CTCF: variants seen among roughly 807,000 people sequenced by gnomAD.
CTCF encodes the protein CCCTC-binding factor, also known as transcriptional repressor CTCF.
CTCF carries 7 observed loss-of-function variants against 72.3 expected under a neutral mutation model. The ratio of observed to expected loss-of-function variants is 0.10; its 90% CI spans 0.06 to 0.18. CTCF has a LOEUF of 0.18. Among genes scored for constraint, CTCF ranks in the 10% least tolerant of loss-of-function variants. The pLI, the probability that CTCF is intolerant of heterozygous loss-of-function variation, is 1.00. For missense variants in CTCF, 516 were observed against 949.1 expected, an observed-to-expected ratio of 0.54 and a Z score of 6.00; for synonymous variants, 374 against 315.8, an observed-to-expected ratio of 1.18 and a Z score of -1.95.
intron 1 of CTCF, among the ~76,000 whole-genome samples, chr16:67,565,694 A>C (rs1461645093): frequency 1.3e-5 from 2 of 151,644 alleles, no homozygotes; most frequent in African/African-American, 4.8e-5. Flanking sequence ...AAAAAAAAAA[A>C]GAGTAGTTGT....
chr16:67,633,837 C>T (rs2052396804), intron 10 of CTCF, among the ~76,000 whole-genome samples: 1 of 152,002 alleles, frequency 6.6e-6, no homozygotes, highest in Admixed American at 6.6e-5. Context: ...CACTCTTACC[C>T]TTCCTGCCCA....
intron 2 of CTCF, among the ~76,000 whole-genome samples, chr16:67,600,712 A>G (rs1007486767): frequency 6.6e-6 from 1 of 152,166 alleles, no homozygotes; most frequent in Non-Finnish European, 1.5e-5. Flanking sequence ...AAAGCCATAT[A>G]TAGAAGTGTA....
chr16:67,574,319 A>G (rs771749172), intron 2 of CTCF, among the ~76,000 whole-genome samples: 76 of 152,152 alleles, frequency 5.0e-4, no homozygotes, highest in Non-Finnish European at 7.4e-4. Context: ...ACTTCTTTAG[A>G]TTTGCCAGTT....
intron 2 of CTCF, among the ~76,000 whole-genome samples, chr16:67,582,177 C>T (rs1194589865): frequency 2.7e-5 from 4 of 150,362 alleles, no homozygotes; most frequent in Non-Finnish European, 4.4e-5. Context: ...TGCCACTGCA[C>T]TCCAGCCTGG....
At chr16:67,568,719 G>A (rs1054250879) in intron 1 of CTCF, among the ~76,000 whole-genome samples, 1 of 151,754 alleles carries the variant, frequency 6.6e-6, no homozygotes. Context: ...TTGTAGAGAC[G>A]GGGTTTTGCC....
intron 2 of CTCF, among the ~76,000 whole-genome samples, chr16:67,594,373 G>A (rs1213231719): frequency 6.7e-6 from 1 of 148,240 alleles, no homozygotes; most frequent in Non-Finnish European, 1.5e-5. Context: ...GACAGGGTGG[G>A]ACCCTGTCTC....
At chr16:67,616,024 C>T (rs1487020393) in intron 4 of CTCF, 1 of 152,190 alleles carries the variant, frequency 6.6e-6, no homozygotes, top group Admixed American at 6.5e-5. Context: ...GCATTGTGCT[C>T]TCAGTTTTGT....
intron 2 of CTCF, among the ~76,000 whole-genome samples, chr16:67,607,209 G>A (rs1597709629): frequency 6.6e-6 from 1 of 151,920 alleles, no homozygotes; most frequent in African/African-American, 2.4e-5. Context: ...TGCCCGCCTC[G>A]GCCTCCCAAA....
chr16:67,583,486 A>G (rs1013619490), intron 2 of CTCF, among the ~76,000 whole-genome samples: 1 of 151,888 alleles, frequency 6.6e-6, no homozygotes, highest in Non-Finnish European at 1.5e-5. Context: ...CAAGAGTTCA[A>G]GACCAGCCTG....
intron 2 of CTCF, among the ~76,000 whole-genome samples, chr16:67,604,779 AT>A (rs993003419): frequency 1.5e-5 from 2 of 129,164 alleles, no homozygotes; most frequent in African/African-American, 7.2e-5. Context: ...TTTAATATGA[AT>A]TTTTTTTACT....
Position 67,621,513 on chromosome 16 carries a change from T to G in CTCF, c.1279T>G (p.Leu427Val), listed in dbSNP as rs1286787707. The G allele has an allele frequency of 6.2e-7, 1 of 1,613,090 alleles. No homozygotes were observed. The highest frequency in any genetic ancestry group is 8.5e-7 in the Non-Finnish European group (1 of 1,179,122). The change falls in exon 7 of 12, where the codon TTA (leucine) becomes GTA (valine). Residue 427 changes from leucine to valine, a missense_variant. Leu to Val is a conservative substitution (Grantham distance 32). Around this residue, in one of 7 missense-constraint regions of CTCF, gnomAD observed 70 missense variants for 290.1 expected, o/e 0.24. Coordinates refer to ENST00000264010, the MANE Select transcript of CTCF (RefSeq NM_006565.4). ...TQSGTMKMHI[L>V]QKHTENVAKF... Reference sequence around the variant, plus strand: ...AAGTGGTACCATGAAGATGCACATTTTACAGAAGCACACAGAAAATGTGGC... The same window carrying G: ...AAGTGGTACCATGAAGATGCACATTGTACAGAAGCACACAGAAAATGTGGC...
rs1049512624 is a variant in CTCF at position 67,638,595 on chromosome 16, C to G, written c.*723C>G. Reference sequence around the variant, plus strand: ...CACAATCATGTAGCAGAATGGCACCCAGACCACTGCCCACCAGTGACGGAC... The same window carrying G: ...CACAATCATGTAGCAGAATGGCACCGAGACCACTGCCCACCAGTGACGGAC... On this transcript the variant is annotated 3_prime_UTR_variant, in exon 12 of 12. Coordinates refer to ENST00000264010, the MANE Select transcript of CTCF (RefSeq NM_006565.4). 3 of 231,656 alleles carry G rather than the reference C, an allele frequency of 1.3e-5. No individual in the cohort carries two copies. The Admixed American group carries it at 1.7e-4, about 13-fold the overall frequency. 14.4% of individuals were successfully genotyped at this position (231,656 alleles called of 1,614,324 possible).
chr16:67,576,553 T>G (rs900511155), intron 2 of CTCF, among the ~76,000 whole-genome samples: 7 of 145,928 alleles, frequency 4.8e-5, no homozygotes, highest in Admixed American at 1.4e-4. Flanking sequence ...ATAGAATGTT[T>G]TTTTTTTTTT....
At chr16:67,621,736 A>T in intron 7 of CTCF, 145 bp downstream of exon 7, 2 of 430,386 alleles carry the variant, frequency 4.6e-6, no homozygotes, top group Admixed American at 3.8e-5. Context: ...AGTAAAAGCC[A>T]TTGCTTAGCT....
chr16:67,610,347 T>C (rs1326831857), intron 2 of CTCF, among the ~76,000 whole-genome samples: 1 of 149,276 alleles, frequency 6.7e-6, no homozygotes, highest in African/African-American at 2.5e-5. Flanking sequence ...GTTTTTTCTT[T>C]TTCTTTTTTT....
intron 7 of CTCF, among the ~76,000 whole-genome samples, chr16:67,622,355 C>CA (rs755436008): frequency 0.037 from 4,897 of 133,306 alleles, 112 homozygotes; most frequent in South Asian, 0.067. Flanking sequence ...GACTCTGTCT[C>CA]AAAAAAAAAA....
Position 67,629,529 on chromosome 16 carries a change from CAGT to C in CTCF, c.1834_1836del (p.Ser612del), listed in dbSNP as rs1481329342. 1 of 1,612,998 alleles carries C rather than the reference CAGT, an allele frequency of 6.2e-7. No homozygotes were observed. The highest frequency in any genetic ancestry group is 2.2e-5 in the East Asian group (1 of 44,852). On this transcript the variant is annotated inframe_deletion and splice_region_variant, in exon 10 of 12. Transcript: ENST00000264010. ...GCTCTAAGAAAGAAGATTCCTCTGA[CAGT>C]GGTAAGTGACTTGTTCCTTGATTTG...
intron 2 of CTCF, among the ~76,000 whole-genome samples, chr16:67,573,562 G>A (rs1332048184): frequency 3.9e-5 from 6 of 152,150 alleles, no homozygotes; most frequent in Admixed American, 3.3e-4. Flanking sequence ...CCTGAGGGTG[G>A]GAAGTTCTCT....
intron 2 of CTCF, among the ~76,000 whole-genome samples, chr16:67,575,222 C>G (rs2142726256): frequency 6.6e-6 from 1 of 152,248 alleles, no homozygotes; most frequent in Middle Eastern, 3.4e-3. Context: ...GCATTTCATT[C>G]AGCCTGGGTG....
Sources: gnomAD v4.1 joint callset for allele counts (sites outside exome capture counted in the v4.1 genomes callset) on GRCh38, gnomAD v4.1.1 for gene constraint, gnomAD v4.1.1 regional missense constraint, MANE v1.5 for transcripts, NCBI Gene and HGNC (gene_info 2026-07-23, HGNC 2026-07-21) for gene names.